Variants in MARCHF11 observed in about 807,000 individuals in gnomAD.
MARCHF11 encodes the protein E3 ubiquitin-protein ligase MARCHF11.
Under a neutral mutation model 37.3 loss-of-function variants are expected in MARCHF11, and 29 were observed. The observed-to-expected ratio is 0.78, with a 90% CI of 0.58 to 1.06. The LOEUF is 1.06. Ranked by LOEUF, MARCHF11 falls within the 50% of genes least tolerant of loss-of-function variation. The pLI, the probability that MARCHF11 is intolerant of heterozygous loss-of-function variation, is 0.00. For missense variants in MARCHF11, 482 were observed against 533.4 expected, an observed-to-expected ratio of 0.90 and a Z score of 0.95; for synonymous variants, 233 against 228.0, an observed-to-expected ratio of 1.02 and a Z score of -0.20.
intron 2 of MARCHF11, among the ~76,000 whole-genome samples, chr5:16,107,738 G>C (rs777958003): frequency 2.0e-5 from 3 of 151,914 alleles, no homozygotes; most frequent in Non-Finnish European, 4.4e-5. Context: ...CAGGCTCCAG[G>C]AGCAGATGAG....
chr5:16,092,409 G>A (rs1736802972), intron 2 of MARCHF11, among the ~76,000 whole-genome samples: 1 of 152,206 alleles, frequency 6.6e-6, no homozygotes, highest in South Asian at 2.1e-4. Flanking sequence ...ACTGTTTGGT[G>A]AAATACTGTG....
chr5:16,141,493 G>T (rs2126591905), intron 2 of MARCHF11: 1 of 152,276 alleles, frequency 6.6e-6, no homozygotes, highest in East Asian at 1.9e-4. Context: ...GAATGTGAAA[G>T]CCATCTGGAA....
chr5:16,120,844 A>T (rs1019573790), intron 2 of MARCHF11, among the ~76,000 whole-genome samples: 1 of 152,142 alleles, frequency 6.6e-6, no homozygotes, highest in African/African-American at 2.4e-5. Context: ...GATCTCAAAG[A>T]CCAGTCAGCA....
rs1579669210 is a variant in MARCHF11, at chr5:16,067,247, G to A, written c.*224C>T. On this transcript the variant is annotated 3_prime_UTR_variant, in exon 4 of 4. Transcript: ENST00000332432. ...AGTATAGTTAAATTATATGTATAAT[G>A]ATTTCAAGTACCAACTTATAAAAGA... The A allele has an allele frequency of 1.5e-5, 7 of 468,798 alleles. No individual in the cohort carries two copies. In the East Asian group the frequency reaches 2.0e-4, roughly 13 times the overall value. The allele number at this position is 468,798 out of a possible 1,614,324, so 29.0% of individuals were successfully genotyped here.
At chr5:16,087,057 A>C (rs1407408345) in intron 3 of MARCHF11, among the ~76,000 whole-genome samples, 1 of 152,214 alleles carries the variant, frequency 6.6e-6, no homozygotes, top group African/African-American at 2.4e-5. Flanking sequence ...TAAATCCTAA[A>C]GTGACTTAAA....
intron 2 of MARCHF11, among the ~76,000 whole-genome samples, chr5:16,176,948 T>C (rs1738374995): frequency 6.6e-6 from 1 of 152,200 alleles, no homozygotes; most frequent in African/African-American, 2.4e-5. Context: ...TATTCTGCTT[T>C]TCCTTAAGAT....
At chr5:16,153,442 G>A (rs1477747605) in intron 2 of MARCHF11, among the ~76,000 whole-genome samples, 3 of 151,932 alleles carry the variant, frequency 2.0e-5, no homozygotes, top group Admixed American at 6.6e-5. Context: ...ATGCTAGGAA[G>A]CATGACTGTC....
intron 2 of MARCHF11, among the ~76,000 whole-genome samples, chr5:16,172,206 A>G (rs539365400): frequency 7.9e-5 from 12 of 152,322 alleles, no homozygotes; most frequent in Admixed American, 7.2e-4. Context: ...AGTAAAATTT[A>G]CATATTTTAT....
intron 3 of MARCHF11, among the ~76,000 whole-genome samples, chr5:16,088,317 C>T (rs1238424661): frequency 1.3e-5 from 2 of 152,190 alleles, no homozygotes; most frequent in Non-Finnish European, 2.9e-5. Flanking sequence ...TCCTCATGAG[C>T]TCCTTGGGGA....
intron 2 of MARCHF11, among the ~76,000 whole-genome samples, chr5:16,118,577 C>G (rs980141040): frequency 6.6e-6 from 1 of 152,114 alleles, no homozygotes; most frequent in Non-Finnish European, 1.5e-5. Context: ...CAAGAGACAA[C>G]GTCACCTAGG....
At chr5:16,100,074 G>T (rs1412104143) in intron 2 of MARCHF11, among the ~76,000 whole-genome samples, 1 of 152,148 alleles carries the variant, frequency 6.6e-6, no homozygotes, top group Non-Finnish European at 1.5e-5. Flanking sequence ...AAGAAATTAA[G>T]CACCCTGAGG....
At chr5:16,093,310 G>A (rs776101629) in intron 2 of MARCHF11, among the ~76,000 whole-genome samples, 10 of 152,134 alleles carry the variant, frequency 6.6e-5, no homozygotes, top group Non-Finnish European at 1.2e-4. Flanking sequence ...AATCTTAGGG[G>A]AGTAAATTTG....
intron 2 of MARCHF11, among the ~76,000 whole-genome samples, chr5:16,159,569 C>T (rs1738037923): frequency 6.6e-6 from 1 of 151,870 alleles, no homozygotes; most frequent in African/African-American, 2.4e-5. Context: ...TGACTAATAC[C>T]CATTATTAAT....
intron 2 of MARCHF11, among the ~76,000 whole-genome samples, chr5:16,154,473 T>C (rs1737934593): frequency 6.6e-6 from 1 of 151,952 alleles, no homozygotes; most frequent in Non-Finnish European, 1.5e-5. Context: ...AGCTAGAAAT[T>C]AGTAATACAA....
At chr5:16,125,623 G>C (rs1006152984) in intron 2 of MARCHF11, among the ~76,000 whole-genome samples, 235 of 14,822 alleles carry the variant, frequency 0.016, 1 homozygote, top group African/African-American at 0.087. Context: ...CACTCTCTGT[G>C]TGTGTGTGTG....
chr5:16,075,957 C>T (rs975999804), intron 3 of MARCHF11, among the ~76,000 whole-genome samples: 2 of 152,168 alleles, frequency 1.3e-5, no homozygotes, highest in Admixed American at 1.3e-4. Context: ...TCTTGCTGGC[C>T]AGGTCATCAA....
chr5:16,179,007 A>G, intron 1 of MARCHF11, 32 bp downstream of exon 1: 1 of 1,401,030 alleles, frequency 7.1e-7, no homozygotes, highest in Non-Finnish European at 9.3e-7. Flanking sequence ...TGGAGCCGCC[A>G]CCGGCTGCCT....
chr5:16,108,374 G>C (rs1456582390), intron 2 of MARCHF11, among the ~76,000 whole-genome samples: 2 of 152,220 alleles, frequency 1.3e-5, no homozygotes, highest in African/African-American at 4.8e-5. Context: ...TGTCCTGCGA[G>C]GGGGGCCAGG....
chr5:16,122,515 A>AGT (rs1294941753), intron 2 of MARCHF11, among the ~76,000 whole-genome samples: 2 of 152,244 alleles, frequency 1.3e-5, no homozygotes, highest in African/African-American at 4.8e-5. Flanking sequence ...AAATGTTAAC[A>AGT]GTGTACAATG....
Sources: allele counts gnomAD v4.1 joint callset (sites outside exome capture counted in the v4.1 genomes callset), GRCh38; gene constraint gnomAD v4.1.1; transcripts MANE v1.5; gene names NCBI Gene and HGNC (gene_info 2026-07-23, HGNC 2026-07-21).